CCDC57: variants seen among roughly 807,000 people sequenced by gnomAD.
The protein encoded by CCDC57 is coiled-coil domain-containing protein 57.
A neutral mutation model predicts 118.9 loss-of-function variants in CCDC57; 118 were observed. That is an observed-to-expected ratio of 0.99 (90% CI 0.86 to 1.16). The LOEUF is 1.16. Among genes scored for constraint, CCDC57 ranks in the 50% most tolerant of loss-of-function variants. CCDC57 has a pLI of 0.00. For synonymous variants in CCDC57, 527 were observed against 532.9 expected, an observed-to-expected ratio of 0.99 and a Z score of 0.15; for missense variants, 1,300 against 1,320.7, an observed-to-expected ratio of 0.98 and a Z score of 0.24.
chr17:82,179,048 A>G, exon 10 of CCDC57: 1 of 1,613,850 alleles, frequency 6.2e-7, no homozygotes, highest in Non-Finnish European at 8.5e-7. Flanking sequence ...CCATGCTCAG[A>G]CCCTGAATCA....
rs527307951 is a variant in CCDC57 at position 82,130,723 on chromosome 17, G to A, written c.2578-2126C>T. On this transcript the variant is annotated intron_variant, in intron 17 of 19. Transcript: ENST00000665763. ...TCATCATGTTGGCCAGGCTGGTCTCGAACTCCTGACCTCAGATGATCTGCC... is the reference window on the plus strand; with the variant it reads ...TCATCATGTTGGCCAGGCTGGTCTCAAACTCCTGACCTCAGATGATCTGCC... Among the ~76,000 whole-genome samples the A allele has an allele frequency of 2.0e-5, 3 of 149,316 alleles. No individual in the cohort carries two copies. In the South Asian group the frequency reaches 6.5e-4, roughly 32 times the overall value.
At chr17:82,133,173 C>T (rs2038663878) in intron 17 of CCDC57, among the ~76,000 whole-genome samples, 1 of 152,030 alleles carries the variant, frequency 6.6e-6, no homozygotes, top group South Asian at 2.1e-4. Context: ...GAGTTCAAGA[C>T]CAGCCTGGGC....
chr17:82,172,778 CTCGTGT>C lies in CCDC57; in HGVS notation c.1583_1588del (p.Asn528_Thr529del). 6.2e-7 allele frequency: 1 copy of C among 1,613,342 alleles called. No homozygotes were observed. The highest frequency in any genetic ancestry group is 1.3e-5 in the African/African-American group (1 of 75,060). On this transcript the variant is annotated inframe_deletion, in exon 12 of 20. Coordinates refer to ENST00000665763, the Ensembl canonical transcript of CCDC57. This position sits in a 1 kb window ranked among gnomAD's most constrained non-coding sequence, Gnocchi z 5.2. Reference sequence around the variant, plus strand: ...CATCTGGGCAATCGCGTTTCGCAAGCTCGTGTTCTGCTCTCGGAGCCGCTGGATCTC... The same window carrying C: ...CATCTGGGCAATCGCGTTTCGCAAGCTCTGCTCTCGGAGCCGCTGGATCTC...
intron 13 of CCDC57, among the ~76,000 whole-genome samples, chr17:82,164,691 C>T (rs1295076539): frequency 1.3e-5 from 2 of 151,958 alleles, no homozygotes; most frequent in Non-Finnish European, 2.9e-5. Flanking sequence ...ATGAAATGGA[C>T]AATTTCTTAG....
chr17:82,102,495 C>T (rs552424291), intron 19 of CCDC57, among the ~76,000 whole-genome samples: 2 of 152,192 alleles, frequency 1.3e-5, no homozygotes, highest in East Asian at 1.9e-4. Context: ...TGTAGGTGAT[C>T]TTCTTTATCT....
intron 8 of CCDC57, chr17:82,185,093 GCA>G (rs576944719): frequency 3.3e-5 from 5 of 152,474 alleles, no homozygotes; most frequent in African/African-American, 7.2e-5. Context: ...CTCCCCTGAT[GCA>G]CAGTCTCAGG....
chr17:82,209,630 C>T (rs536127434), intron 1 of CCDC57, among the ~76,000 whole-genome samples: 80 of 152,094 alleles, frequency 5.3e-4, no homozygotes, highest in Non-Finnish European at 7.9e-4. Flanking sequence ...CTCAGACACA[C>T]GCCACCATGG....
At chr17:82,166,841 A>AG (rs1353339973) in intron 13 of CCDC57, among the ~76,000 whole-genome samples, 1 of 152,040 alleles carries the variant, frequency 6.6e-6, no homozygotes, top group African/African-American at 2.4e-5. Flanking sequence ...CCTTGAGCCC[A>AG]GGGGGTCAAG....
chr17:82,198,272 G>A (rs1464726585), intron 4 of CCDC57, 42 bp downstream of exon 3: 1 of 1,197,112 alleles, frequency 8.4e-7, no homozygotes. Flanking sequence ...CAGTGGGCAG[G>A]CAGGGAAAGC....
intron 19 of CCDC57, among the ~76,000 whole-genome samples, chr17:82,110,622 T>C (rs78280087): frequency 0.01 from 1,542 of 152,350 alleles, 24 homozygotes; most frequent in African/African-American, 0.036. Context: ...TCATTTCAAA[T>C]GTAACACAAT....
At chr17:82,162,241 G>A (rs1302947204) in intron 14 of CCDC57, among the ~76,000 whole-genome samples, 1 of 152,070 alleles carries the variant, frequency 6.6e-6, no homozygotes, top group Non-Finnish European at 1.5e-5. Context: ...TCAGGAGTGG[G>A]GTGATCCGCC....
intron 9 of CCDC57, among the ~76,000 whole-genome samples, chr17:82,180,464 TTTTG>T (rs1482301391): frequency 3.9e-5 from 6 of 152,220 alleles, no homozygotes; most frequent in Non-Finnish European, 7.3e-5. Context: ...TGTGTTCTTG[TTTTG>T]TTTAATTATT....
At chr17:82,201,023 T>A (rs1413010546) in intron 3 of CCDC57, among the ~76,000 whole-genome samples, 2 of 152,222 alleles carry the variant, frequency 1.3e-5, no homozygotes, top group East Asian at 3.9e-4. Context: ...CCTCCTTCCT[T>A]CCTGTCTCCT....
At chr17:82,121,889 C>G (rs2145133398) in intron 19 of CCDC57, among the ~76,000 whole-genome samples, 1 of 152,328 alleles carries the variant, frequency 6.6e-6, no homozygotes, top group East Asian at 1.9e-4. Flanking sequence ...CATATCCTGT[C>G]CTGTGACTTG....
At chr17:82,195,457 GAC>G (rs2048185730) in intron 4 of CCDC57, 93 bp from the exon 4 acceptor site, 1 of 949,476 alleles carries the variant, frequency 1.1e-6, no homozygotes, top group South Asian at 1.4e-5. Context: ...AGGTGAGCAG[GAC>G]ACAGTGTTTA....
At chr17:82,148,100 G>T (rs2041104741) in intron 16 of CCDC57, among the ~76,000 whole-genome samples, 1 of 142,078 alleles carries the variant, frequency 7.0e-6, no homozygotes, top group Non-Finnish European at 1.5e-5. Flanking sequence ...ATGGATGGGT[G>T]GGTGGGATAA....
intron 9 of CCDC57, among the ~76,000 whole-genome samples, chr17:82,182,472 G>GC (rs1428277240): frequency 6.6e-6 from 1 of 151,320 alleles, no homozygotes; most frequent in African/African-American, 2.4e-5. Context: ...TCCTGCCTCA[G>GC]CCCCCCGAGT....
intron 9 of CCDC57, 48 bp from the exon 9 acceptor site, chr17:82,179,237 T>G (rs2045902239): frequency 6.4e-7 from 1 of 1,572,374 alleles, no homozygotes; most frequent in African/African-American, 1.4e-5. Context: ...TGAGGTCCCT[T>G]CCACAGGAAA....
chr17:82,148,949 T>TGGATGGATGGGTGGGTGGGTAGATG (rs1229027948), intron 16 of CCDC57, among the ~76,000 whole-genome samples: 1 of 18,996 alleles, frequency 5.3e-5, no homozygotes, highest in Non-Finnish European at 9.5e-5. Context: ...GGTGGGTGGA[T>TGGATGGATGGGTGGGTGGGTAGATG]GGTAGATGGA....
Sources: allele counts gnomAD v4.1 joint callset (sites outside exome capture counted in the v4.1 genomes callset), GRCh38; gene constraint gnomAD v4.1.1; non-coding constraint Gnocchi (gnomAD v3.1); transcripts MANE v1.5; gene names NCBI Gene and HGNC (gene_info 2026-07-23, HGNC 2026-07-21).